The following ITGAE variants were observed in gnomAD, a reference collection of about 807,000 sequenced individuals.
ITGAE encodes the protein integrin subunit alpha E.
Under a neutral mutation model 136.5 loss-of-function variants are expected in ITGAE, and 99 were observed. The ratio of observed to expected loss-of-function variants is 0.73; its 90% CI spans 0.62 to 0.86. The LOEUF (loss-of-function observed/expected upper bound fraction) is 0.86. Ranked by LOEUF, ITGAE falls within the 40% of genes least tolerant of loss-of-function variation. The pLI is 0.00. For synonymous variants in ITGAE, 613 were observed against 591.8 expected, an observed-to-expected ratio of 1.04 and a Z score of -0.52; for missense variants, 1,447 against 1,515.3, an observed-to-expected ratio of 0.95 and a Z score of 0.75.
intron 1 of ITGAE, among the ~76,000 whole-genome samples, chr17:3,787,579 G>A (rs1221873379): frequency 2.0e-5 from 3 of 152,044 alleles, no homozygotes; most frequent in Admixed American, 6.6e-5. Context: ...TCTTGCAGAC[G>A]TCTTCATGAC....
Position 3,754,566 on chromosome 17 carries a change from G to C in ITGAE, c.1384+551C>G, listed in dbSNP as rs140211056. 1.2e-3 allele frequency: 187 copies of C among 157,832 alleles called. 5 individuals carry two copies. The East Asian group carries it at 0.027, about 23-fold the overall frequency. The allele number at this position is 157,832 out of a possible 1,614,324, so 9.8% of individuals were successfully genotyped here. ...AGCTACTGCACCACTATTATTAATG[G>C]AGAGGCCCCGCCCTCCCCTGGGTGG... is the stretch of plus-strand genomic sequence containing the variant. On this transcript the variant is annotated intron_variant, in intron 12 of 30. Transcript: ENST00000263087.
At chr17:3,756,921 C>T (rs1043706913) in intron 10 of ITGAE, 63 bp downstream of exon 10, 228 of 1,543,266 alleles carry the variant, frequency 1.5e-4, no homozygotes, top group Non-Finnish European at 2.8e-5. Context: ...GAAGATGGGA[C>T]AGAGGCCGGG....
intron 2 of ITGAE, among the ~76,000 whole-genome samples, chr17:3,764,645 G>C (rs1050454978): frequency 6.6e-6 from 1 of 151,912 alleles, no homozygotes; most frequent in African/African-American, 2.4e-5. Context: ...TGCAGTGAGC[G>C]GAGATCACGC....
In ITGAE at chr17:3,757,068, C is replaced by T. The variant is rs1173084487; in HGVS notation, c.1087G>A (p.Glu363Lys). The change falls in exon 10 of 31, where the codon GAG becomes AAG. Residue 363 changes from glutamate to lysine, a missense_variant. Physicochemically the swap from Glu to Lys is moderately conservative, Grantham distance 56 (BLOSUM62 1). This residue lies in a region of ITGAE where 310 missense variants were observed against 416.1 expected (regional missense o/e 0.74). Coordinates refer to ENST00000263087, the MANE Select transcript of ITGAE (RefSeq NM_002208.5). ...ELNLIASDPDETHAFKVTNYM... is the reference protein window; with the variant it reads ...ELNLIASDPDKTHAFKVTNYM... ...TTGGTCACCTTGAAAGCATGGGTCT[C>T]ATCCGGGTCTGAGGCGATCAGGTTC... 1 of 1,614,104 alleles carries T rather than the reference C, an allele frequency of 6.2e-7. No homozygotes were observed. The highest frequency in any genetic ancestry group is 8.5e-7 in the Non-Finnish European group (1 of 1,180,038).
At chr17:3,720,628 CTGGAG>C (rs2051030921) in intron 28 of ITGAE, 1 of 364,370 alleles carries the variant, frequency 2.7e-6, no homozygotes, top group Non-Finnish European at 5.0e-6. Context: ...TTCGCCCAGG[CTGGAG>C]TGAAGTGGTG....
intron 26 of ITGAE, 69 bp downstream of exon 26, chr17:3,727,850 T>G: frequency 9.9e-7 from 1 of 1,005,354 alleles, no homozygotes; most frequent in Non-Finnish European, 1.6e-6. Context: ...AGAACTCTGG[T>G]TTTTATACTT....
intron 26 of ITGAE, chr17:3,724,532 A>T (rs2051159428): frequency 1.2e-6 from 2 of 1,613,928 alleles, no homozygotes. Flanking sequence ...TTGCAGCCTC[A>T]GCCGTCCCGA....
At chr17:3,785,500 A>G (rs1055844903) in intron 1 of ITGAE, among the ~76,000 whole-genome samples, 28 of 50,384 alleles carry the variant, frequency 5.6e-4, no homozygotes, top group Admixed American at 1.3e-3. Context: ...AGGAAGGAGG[A>G]AGGAAGGAAG....
chr17:3,749,737 G>T (rs2143018663), intron 16 of ITGAE, among the ~76,000 whole-genome samples: 1 of 152,140 alleles, frequency 6.6e-6, no homozygotes. Flanking sequence ...GCAATTCTTG[G>T]CCAGGCATAG....
At chr17:3,762,840 C>T (rs1202554733) in intron 3 of ITGAE, among the ~76,000 whole-genome samples, 1 of 151,532 alleles carries the variant, frequency 6.6e-6, no homozygotes, top group South Asian at 2.1e-4. Context: ...GACCCATGAT[C>T]GGCCCACCTC....
rs1267473471 is a variant in ITGAE at position 3,731,342 on chromosome 17, T to C, written c.2755-159A>G. On this transcript the variant is annotated intron_variant, in intron 22 of 30. Coordinates refer to ENST00000263087, the MANE Select transcript of ITGAE (RefSeq NM_002208.5). ...CATGTTTCCTTTCCCTTCCTTTTTT[T>C]TTTTTTTTTTTTTTTTTGAGAGGGA... 1.1e-3 allele frequency among the ~76,000 whole-genome samples: 24 copies of C among 22,822 alleles called. 1 individual carries two copies. The highest frequency in any genetic ancestry group is 1.9e-3 in the African/African-American group (22 of 11,334). 15.0% of individuals were successfully genotyped at this position (22,822 alleles called of 152,430 possible). A position where few individuals can be genotyped will look rare whatever the true frequency, so the allele number is the denominator to read the frequency against.
At chr17:3,774,261 A>C (rs1272032302) in intron 2 of ITGAE, among the ~76,000 whole-genome samples, 1 of 152,148 alleles carries the variant, frequency 6.6e-6, no homozygotes, top group Non-Finnish European at 1.5e-5. Context: ...GAGCAAAGCA[A>C]TCTGGTGGGC....
intron 30 of ITGAE, 49 bp downstream of exon 30, chr17:3,716,639 A>T: frequency 3.4e-6 from 4 of 1,186,374 alleles, no homozygotes; most frequent in Non-Finnish European, 5.0e-6. Flanking sequence ...TCTGTGCCCA[A>T]AACTAGAGCC....
At chr17:3,775,178 T>A (rs1771129283) in intron 2 of ITGAE, among the ~76,000 whole-genome samples, 1 of 152,074 alleles carries the variant, frequency 6.6e-6, no homozygotes, top group Non-Finnish European at 1.5e-5. Context: ...CTCGAACTCC[T>A]GGGCTCATGT....
intron 2 of ITGAE, among the ~76,000 whole-genome samples, chr17:3,774,900 G>A (rs1358299456): frequency 6.6e-6 from 1 of 151,958 alleles, no homozygotes; most frequent in Non-Finnish European, 1.5e-5. Flanking sequence ...ACATCAGCAC[G>A]CGGCCACCAT....
intron 1 of ITGAE, among the ~76,000 whole-genome samples, chr17:3,792,312 G>A (rs2052960021): frequency 1.3e-5 from 2 of 152,098 alleles, no homozygotes; most frequent in East Asian, 1.9e-4. Flanking sequence ...AGTAGAGGTG[G>A]GGTTTCACCA....
rs1486795686 is a variant in ITGAE at position 3,743,485 on chromosome 17, T to A, written c.2448+4A>T. 1.6e-5 allele frequency: 26 copies of A among 1,586,232 alleles called. No individual in the cohort carries two copies. The highest frequency in any genetic ancestry group is 8.2e-5 in the African/African-American group (6 of 72,938). On this transcript the variant is annotated splice_donor_region_variant and intron_variant, in intron 19 of 30. Coordinates refer to ENST00000263087, the MANE Select transcript of ITGAE (RefSeq NM_002208.5). Reference sequence around the variant, plus strand: ...GGCTGGGTACTGGCTGTGGGTAGAGTCACCTGGAAGATGGCAAAGGGCTCA... The same window carrying A: ...GGCTGGGTACTGGCTGTGGGTAGAGACACCTGGAAGATGGCAAAGGGCTCA...
Position 3,723,895 on chromosome 17 carries a change from C to T in ITGAE, c.3085-151G>A, listed in dbSNP as rs372895047. On this transcript the variant is annotated intron_variant, in intron 26 of 30. Transcript: ENST00000263087. ...GGGCGCGTCCGCGTCGCACGGAAGTCTCGCGATGTTTGCGTTTGAACCTCT... is the reference window on the plus strand; with the variant it reads ...GGGCGCGTCCGCGTCGCACGGAAGTTTCGCGATGTTTGCGTTTGAACCTCT... 3 of 1,530,550 alleles carry T rather than the reference C, an allele frequency of 2.0e-6. No individual in the cohort carries two copies. The African/African-American group carries it at 4.2e-5, about 21-fold the overall frequency. The allele number at this position is 1,530,550 out of a possible 1,614,324, so 94.8% of individuals were successfully genotyped here.
At chr17:3,786,984 C>G (rs1050743537) in intron 1 of ITGAE, among the ~76,000 whole-genome samples, 1 of 150,584 alleles carries the variant, frequency 6.6e-6, no homozygotes, top group Non-Finnish European at 1.5e-5. Flanking sequence ...AATCAGTTTA[C>G]TCCTTACAAC....
Sources: allele counts gnomAD v4.1 joint callset (sites outside exome capture counted in the v4.1 genomes callset), GRCh38; gene constraint gnomAD v4.1.1; regional missense constraint gnomAD v4.1.1; transcripts MANE v1.5; gene names NCBI Gene and HGNC (gene_info 2026-07-23, HGNC 2026-07-21).